NOL4: variants seen among roughly 807,000 people sequenced by gnomAD.
The protein encoded by NOL4 is nucleolar protein 4, also known as cancer/testis antigen 125.
In NOL4, 17 loss-of-function variants were observed where a neutral mutation model predicts 75.9. That is an observed-to-expected ratio of 0.22 (90% CI 0.15 to 0.34). The LOEUF (loss-of-function observed/expected upper bound fraction) is 0.34. NOL4 is among the 10% of genes least tolerant of loss of function. The pLI is 1.00. For missense variants in NOL4, 614 were observed against 793.5 expected, an observed-to-expected ratio of 0.77 and a Z score of 2.72; for synonymous variants, 292 against 289.9, an observed-to-expected ratio of 1.01 and a Z score of -0.07.
At chr18:33,982,623 A>G (rs1422507912) in intron 6 of NOL4, among the ~76,000 whole-genome samples, 3 of 152,142 alleles carry the variant, frequency 2.0e-5, no homozygotes, top group Non-Finnish European at 2.9e-5. Context: ...TTGAGACTTC[A>G]ACAAATGTTA....
At chr18:33,986,178 T>C (rs7240554) in intron 6 of NOL4, among the ~76,000 whole-genome samples, 59,326 of 151,994 alleles carry the variant, frequency 0.39, 12,035 homozygotes, top group African/African-American at 0.44. Context: ...CTTATATTTA[T>C]GAATTTGAAA....
intron 9 of NOL4, among the ~76,000 whole-genome samples, chr18:33,918,165 A>C (rs1017958528): frequency 1.3e-5 from 2 of 152,242 alleles, no homozygotes; most frequent in African/African-American, 4.8e-5. Flanking sequence ...AGCTCAGTTC[A>C]AAATGAGTAC....
intron 4 of NOL4, among the ~76,000 whole-genome samples, chr18:34,098,355 G>A (rs2078888523): frequency 1.3e-5 from 2 of 152,162 alleles, no homozygotes; most frequent in African/African-American, 4.8e-5. Flanking sequence ...CCAGCACACT[G>A]TGAGGAAGCA....
At chr18:34,049,538 T>C (rs1253124511) in intron 5 of NOL4, among the ~76,000 whole-genome samples, 2 of 152,096 alleles carry the variant, frequency 1.3e-5, no homozygotes, top group Non-Finnish European at 2.9e-5. Context: ...GAAGGAAAGA[T>C]ACAGGGCAGG....
chr18:34,173,868 A>G lies in NOL4; in HGVS notation c.265-43848T>C, dbSNP rs181001285. ...TACTAAGGAAAAGGATCCTCTGAAC[A>G]TGAGTGATATGTTCACCTTTTCTAA... On this transcript the variant is annotated intron_variant, in intron 1 of 10. Coordinates refer to ENST00000261592, the MANE Select transcript of NOL4 (RefSeq NM_003787.5). Among the ~76,000 whole-genome samples, 149 of 152,352 alleles carry G rather than the reference A, an allele frequency of 9.8e-4. 1 individual carries two copies. Among genetic ancestry groups the G allele is most frequent in the South Asian group, 6.4e-3 (31 of 4,830 alleles).
chr18:34,030,829 G>A (rs191265072), intron 5 of NOL4, among the ~76,000 whole-genome samples: 1 of 152,138 alleles, frequency 6.6e-6, no homozygotes, highest in Admixed American at 6.5e-5. Context: ...CCGTAAATAA[G>A]TGCAATTATT....
chr18:33,890,713 T>C (rs2065042443), intron 9 of NOL4, among the ~76,000 whole-genome samples: 1 of 152,130 alleles, frequency 6.6e-6, no homozygotes. Context: ...TTATAGATAG[T>C]AAGGGAGTTT....
At chr18:34,070,066 C>T (rs2077445290) in intron 5 of NOL4, among the ~76,000 whole-genome samples, 1 of 152,234 alleles carries the variant, frequency 6.6e-6, no homozygotes, top group South Asian at 2.1e-4. Flanking sequence ...GAGTCTCGCT[C>T]AGTCGCCCAG....
At chr18:34,189,303 A>T (rs1236830512) in intron 1 of NOL4, among the ~76,000 whole-genome samples, 1 of 152,102 alleles carries the variant, frequency 6.6e-6, no homozygotes, top group Non-Finnish European at 1.5e-5. Context: ...CAAGAGTGAT[A>T]CTCGCTCACT....
chr18:33,965,559 T>C (rs550222005), intron 6 of NOL4, among the ~76,000 whole-genome samples: 1 of 152,186 alleles, frequency 6.6e-6, no homozygotes, highest in Non-Finnish European at 1.5e-5. Context: ...GCATGTATCA[T>C]GGGAGAGACC....
At chr18:33,963,192 C>G (rs768763163) in intron 6 of NOL4, among the ~76,000 whole-genome samples, 7 of 152,132 alleles carry the variant, frequency 4.6e-5, no homozygotes, top group Admixed American at 1.3e-4. Context: ...TATAATTGTT[C>G]TCTACTTTCC....
intron 9 of NOL4, among the ~76,000 whole-genome samples, chr18:33,916,882 T>C (rs1431590198): frequency 6.6e-6 from 1 of 152,124 alleles, no homozygotes; most frequent in African/African-American, 2.4e-5. Flanking sequence ...TTAGAAAGGA[T>C]AGGGTGTTTT....
At chr18:34,117,274 A>T (rs1305572661) in intron 2 of NOL4, among the ~76,000 whole-genome samples, 1 of 152,172 alleles carries the variant, frequency 6.6e-6, no homozygotes, top group Admixed American at 6.5e-5. Flanking sequence ...TATTTTGCCA[A>T]TTATGTACAA....
intron 5 of NOL4, among the ~76,000 whole-genome samples, chr18:34,031,956 T>G (rs2075659822): frequency 6.6e-6 from 1 of 152,184 alleles, no homozygotes; most frequent in South Asian, 2.1e-4. Flanking sequence ...CCTGGAGATC[T>G]AAGCAGCTAC....
intron 8 of NOL4, 123 bp downstream of exon 8, chr18:33,957,203 C>A: frequency 2.9e-6 from 2 of 686,806 alleles, no homozygotes; most frequent in African/African-American, 1.8e-5. Context: ...CAAACAAAAC[C>A]CCCTTTGACC....
chr18:34,152,011 T>A lies in NOL4; in HGVS notation c.265-21991A>T, dbSNP rs149458970. The stretch of plus-strand genomic sequence containing the variant: ...TTGATCAATTTGAAAAAATGAAAAA[T>A]TCACATTAAATTAAAATATAATAAC... On this transcript the variant is annotated intron_variant, in intron 1 of 10. Transcript: ENST00000261592. 5.9e-3 allele frequency among the ~76,000 whole-genome samples: 893 copies of A among 151,894 alleles called. 9 individuals are homozygous for A. Among genetic ancestry groups the A allele is most frequent in the African/African-American group, 0.02 (844 of 41,478 alleles).
At chr18:33,959,221 A>C (rs2069901140) in intron 6 of NOL4, among the ~76,000 whole-genome samples, 1 of 152,184 alleles carries the variant, frequency 6.6e-6, no homozygotes, top group Non-Finnish European at 1.5e-5. Context: ...GTTCATTTTC[A>C]CATGAAACAG....
intron 8 of NOL4, among the ~76,000 whole-genome samples, chr18:33,956,281 T>C (rs960400059): frequency 6.6e-6 from 1 of 152,204 alleles, no homozygotes; most frequent in Admixed American, 6.6e-5. Context: ...ATTGGGTTTC[T>C]AAAATCTAAT....
chr18:34,005,354 C>T (rs990823484), intron 6 of NOL4, among the ~76,000 whole-genome samples: 1 of 152,054 alleles, frequency 6.6e-6, no homozygotes, highest in Non-Finnish European at 1.5e-5. Context: ...TGGCTCTCTG[C>T]TTCATCTTGA....
Sources: gnomAD v4.1 joint callset for allele counts (sites outside exome capture counted in the v4.1 genomes callset) on GRCh38, gnomAD v4.1.1 for gene constraint, MANE v1.5 for transcripts, NCBI Gene and HGNC (gene_info 2026-07-23, HGNC 2026-07-21) for gene names.